CA10: variants seen among roughly 807,000 people sequenced by gnomAD.
CA10 encodes carbonic anhydrase 10 (inactive).
In CA10, 14 loss-of-function variants were observed where a neutral mutation model predicts 44.2. The observed-to-expected ratio is 0.32, with a 90% CI of 0.21 to 0.50. The LOEUF (loss-of-function observed/expected upper bound fraction) is 0.50. Ranked by LOEUF, CA10 falls within the 20% of genes least tolerant of loss-of-function variation. CA10 has a pLI of 0.99. For missense variants in CA10, 350 were observed against 409.7 expected (o/e 0.85, Z 1.26); for synonymous variants, 159 against 141.6 (o/e 1.12, Z -0.87).
At chr17:51,808,855 T>C (rs1907242634) in intron 3 of CA10, among the ~76,000 whole-genome samples, 1 of 152,214 alleles carries the variant, frequency 6.6e-6, no homozygotes, top group African/African-American at 2.4e-5. Context: ...TTTCTGTATT[T>C]CCCAAATTTA....
chr17:51,754,575 C>T (rs973342173), intron 3 of CA10, among the ~76,000 whole-genome samples: 2 of 151,552 alleles, frequency 1.3e-5, no homozygotes, highest in Non-Finnish European at 2.9e-5. Context: ...CTGCAGAATT[C>T]CTTTTCATTC....
intron 1 of CA10, among the ~76,000 whole-genome samples, chr17:52,102,411 G>A (rs1250104823): frequency 6.6e-6 from 1 of 152,186 alleles, no homozygotes; most frequent in Admixed American, 6.5e-5. Flanking sequence ...AAATTCTAGA[G>A]AAGACAGAGA....
intron 1 of CA10, among the ~76,000 whole-genome samples, chr17:52,102,919 T>C (rs939769095): frequency 1.3e-5 from 2 of 152,300 alleles, no homozygotes; most frequent in African/African-American, 4.8e-5. Flanking sequence ...CCCTTCACCC[T>C]CTACGGAAGT....
intron 1 of CA10, among the ~76,000 whole-genome samples, chr17:52,136,602 C>G (rs994848626): frequency 5.3e-5 from 8 of 152,172 alleles, no homozygotes; most frequent in African/African-American, 1.9e-4. Context: ...CAGCCAGCTT[C>G]AGCTTTTTTG....
chr17:51,683,383 TCA>T (rs1415592204), intron 4 of CA10, among the ~76,000 whole-genome samples: 1 of 152,176 alleles, frequency 6.6e-6, no homozygotes, highest in Non-Finnish European at 1.5e-5. Context: ...GCTCTCCTGG[TCA>T]CAGTTTTTTC....
At chr17:51,644,449 A>G (rs979657803) in intron 6 of CA10, among the ~76,000 whole-genome samples, 11 of 152,070 alleles carry the variant, frequency 7.2e-5, no homozygotes, top group African/African-American at 1.9e-4. Context: ...TCTCTTCTCT[A>G]TTTATTCTTA....
intron 3 of CA10, among the ~76,000 whole-genome samples, chr17:51,926,464 C>T (rs762879551): frequency 3.9e-5 from 6 of 152,138 alleles, no homozygotes; most frequent in Non-Finnish European, 8.8e-5. Flanking sequence ...ACAAATTACC[C>T]CATAATTAGT....
At chr17:51,685,254 G>T (rs1914969999) in intron 4 of CA10, among the ~76,000 whole-genome samples, 1 of 152,144 alleles carries the variant, frequency 6.6e-6, no homozygotes, top group Non-Finnish European at 1.5e-5. Flanking sequence ...GGGGAAGATG[G>T]CATGAAGACC....
intron 6 of CA10, among the ~76,000 whole-genome samples, chr17:51,637,410 C>CAG (rs1912879141): frequency 6.6e-6 from 1 of 152,170 alleles, no homozygotes; most frequent in African/African-American, 2.4e-5. Context: ...ATCACATCCC[C>CAG]AGGCATACCA....
At chr17:52,122,263 A>AT (rs1989029916) in intron 1 of CA10, among the ~76,000 whole-genome samples, 1 of 152,186 alleles carries the variant, frequency 6.6e-6, no homozygotes, top group South Asian at 2.1e-4. Flanking sequence ...AATGCAATAC[A>AT]TTTTTTAAAA....
At chr17:52,079,765 A>T (rs575297638) in intron 1 of CA10, among the ~76,000 whole-genome samples, 4 of 152,340 alleles carry the variant, frequency 2.6e-5, no homozygotes, top group African/African-American at 9.6e-5. Flanking sequence ...AAGCCTTAGC[A>T]AACCCACTTT....
At chr17:51,738,185 C>T (rs560569776) in intron 4 of CA10, among the ~76,000 whole-genome samples, 36 of 152,204 alleles carry the variant, frequency 2.4e-4, no homozygotes, top group African/African-American at 4.6e-4. Context: ...TGTCAACTGG[C>T]GAGCAATTAA....
rs1912555659 is a variant in CA10, at chr17:51,631,230, A to G, written c.*354T>C. ...ATTAGTTCAGGAAAACGGTATCAAA[A>G]TTGAAATCAGGTTAACTGGTTATTT... On this transcript the variant is annotated 3_prime_UTR_variant, in exon 9 of 9. Transcript: ENST00000451037. The G allele has an allele frequency of 4.3e-6, 1 of 230,588 alleles. No homozygotes were observed. Among genetic ancestry groups the G allele is most frequent in the African/African-American group, 2.3e-5 (1 of 43,596 alleles). 14.3% of individuals were successfully genotyped at this position (230,588 alleles called of 1,614,324 possible).
chr17:52,001,571 T>C (rs1461052501), intron 2 of CA10, among the ~76,000 whole-genome samples: 1 of 152,012 alleles, frequency 6.6e-6, no homozygotes, highest in Non-Finnish European at 1.5e-5. Flanking sequence ...AGGGAAGTTT[T>C]TTTTTTAATA....
At chr17:51,649,652 T>A (rs1052173239) in intron 5 of CA10, among the ~76,000 whole-genome samples, 1 of 152,164 alleles carries the variant, frequency 6.6e-6, no homozygotes, top group African/African-American at 2.4e-5. Context: ...AATCTTTACA[T>A]ACACGGACAT....
Position 51,917,072 on chromosome 17 carries a change from CCTCTAAGAACAGTGGTG to C in CA10, c.279+13901_279+13917del, listed in dbSNP as rs1387783130. ...CCTTTCTTCTGGGAATTGCCCTTGA[CCTCTAAGAACAGTGGTG>C]TGCTGTGTGCTGATAAATCTCTATC... On this transcript the variant is annotated intron_variant, in intron 3 of 8. Transcript: ENST00000451037. Among the ~76,000 whole-genome samples, 52 of 152,312 alleles carry C rather than the reference CCTCTAAGAACAGTGGTG, an allele frequency of 3.4e-4. 1 individual carries two copies. In the East Asian group the frequency reaches 8.1e-3, roughly 24 times the overall value.
chr17:51,894,426 A>G (rs1334440672), intron 3 of CA10, among the ~76,000 whole-genome samples: 1 of 152,152 alleles, frequency 6.6e-6, no homozygotes, highest in Non-Finnish European at 1.5e-5. Flanking sequence ...TTTGATTACC[A>G]TAATGGGCTA....
At chr17:51,833,746 A>T (rs1355136814) in intron 3 of CA10, among the ~76,000 whole-genome samples, 2 of 152,224 alleles carry the variant, frequency 1.3e-5, no homozygotes, top group Non-Finnish European at 2.9e-5. Context: ...TATATATTAG[A>T]AAGCAACCAT....
chr17:51,962,415 C>T (rs911739745), intron 2 of CA10, among the ~76,000 whole-genome samples: 1 of 152,242 alleles, frequency 6.6e-6, no homozygotes, highest in Non-Finnish European at 1.5e-5. Context: ...CCTCACCCAT[C>T]TGGGTCCCCA....
Sources: allele counts gnomAD v4.1 joint callset (sites outside exome capture counted in the v4.1 genomes callset), GRCh38; gene constraint gnomAD v4.1.1; transcripts MANE v1.5; gene names NCBI Gene and HGNC (gene_info 2026-07-23, HGNC 2026-07-21).